Variants in FNDC3B observed in about 807,000 individuals in gnomAD.
FNDC3B encodes fibronectin type III domain containing 3B, also known as fibronectin type III domain-containing protein 3B.
In FNDC3B, 12 loss-of-function variants were observed where a neutral mutation model predicts 151.5. That is an observed-to-expected ratio of 0.08 (90% CI 0.05 to 0.13). FNDC3B has a LOEUF of 0.13. FNDC3B is among the 10% of genes least tolerant of loss of function. The pLI, the probability that FNDC3B is intolerant of heterozygous loss-of-function variation, is 1.00. For synonymous variants in FNDC3B, 528 were observed against 549.0 expected (o/e 0.96, Z 0.54); for missense variants, 1,214 against 1,505.3 (o/e 0.81, Z 3.20).
chr3:172,106,717 C>G (rs1576868962), intron 1 of FNDC3B, among the ~76,000 whole-genome samples: 1 of 152,308 alleles, frequency 6.6e-6, no homozygotes, highest in East Asian at 1.9e-4. Context: ...TGCTTTGGCC[C>G]TTTGCAGGTG....
Position 172,242,565 on chromosome 3 carries a change from G to A in FNDC3B, c.265-4968G>A, listed in dbSNP as rs762214185. On this transcript the variant is annotated intron_variant, in intron 4 of 25. Coordinates refer to ENST00000415807, the MANE Select transcript of FNDC3B (RefSeq NM_022763.4). ...ACCCTTTGAAGCCACAGCCTGAGCTGTACCTTGGCCCCTTTCAGTCATGAC... is the reference window on the plus strand; with the variant it reads ...ACCCTTTGAAGCCACAGCCTGAGCTATACCTTGGCCCCTTTCAGTCATGAC... Among the ~76,000 whole-genome samples the A allele has an allele frequency of 1.1e-3, 174 of 152,192 alleles. 1 individual carries two copies. The highest frequency in any genetic ancestry group is 2.2e-3 in the Non-Finnish European group (150 of 68,032).
intron 3 of FNDC3B, among the ~76,000 whole-genome samples, chr3:172,177,784 C>T (rs1328672663): frequency 6.6e-6 from 1 of 151,824 alleles, no homozygotes. Flanking sequence ...TTTGCTGCAC[C>T]TTAACCCATC....
At chr3:172,181,270 TGTG>T (rs1723875729) in intron 3 of FNDC3B, among the ~76,000 whole-genome samples, 1 of 150,172 alleles carries the variant, frequency 6.7e-6, no homozygotes, top group Admixed American at 6.6e-5. Flanking sequence ...TGTGGTGGCG[TGTG>T]GTCCCAGCTA....
At chr3:172,117,392 C>G (rs1405151194) in intron 2 of FNDC3B, among the ~76,000 whole-genome samples, 1 of 152,090 alleles carries the variant, frequency 6.6e-6, no homozygotes, top group African/African-American at 2.4e-5. Context: ...TATTAACTTA[C>G]CTGTGTTTGT....
intron 16 of FNDC3B, 115 bp downstream of exon 16, chr3:172,337,516 A>T (rs1733047204): frequency 1.4e-6 from 1 of 724,234 alleles, no homozygotes; most frequent in African/African-American, 1.8e-5. Flanking sequence ...TAGAATTATT[A>T]TTACAATAAA....
At chr3:172,364,762 C>T (rs185841734) in intron 23 of FNDC3B, among the ~76,000 whole-genome samples, 7 of 152,288 alleles carry the variant, frequency 4.6e-5, no homozygotes, top group East Asian at 1.9e-4. Flanking sequence ...GTTGTTTCTT[C>T]CCCCCTCAAA....
chr3:172,394,915 G>A (rs1736200290), intron 25 of FNDC3B, among the ~76,000 whole-genome samples: 1 of 152,124 alleles, frequency 6.6e-6, no homozygotes. Flanking sequence ...ATTTATCCCT[G>A]GGACGCAAGG....
intron 6 of FNDC3B, among the ~76,000 whole-genome samples, chr3:172,281,758 A>C (rs1207485222): frequency 1.3e-5 from 2 of 152,200 alleles, no homozygotes; most frequent in African/African-American, 4.8e-5. Context: ...GAAGAAACAA[A>C]AACCAGACAG....
chr3:172,225,529 A>G (rs1346877688), intron 3 of FNDC3B: 1 of 191,232 alleles, frequency 5.2e-6, no homozygotes, highest in Non-Finnish European at 1.1e-5. Context: ...CATCACATTC[A>G]TCTGAAGGAC....
At chr3:172,182,877 C>A (rs1723987734) in intron 3 of FNDC3B, among the ~76,000 whole-genome samples, 1 of 152,186 alleles carries the variant, frequency 6.6e-6, no homozygotes, top group Non-Finnish European at 1.5e-5. Flanking sequence ...AAAAGGAACT[C>A]TGAGTGTAGG....
intron 25 of FNDC3B, among the ~76,000 whole-genome samples, chr3:172,392,810 C>CTTTCTTTTTTTTTTTTTTTTTTTT (rs1491505881): frequency 3.0e-5 from 3 of 99,870 alleles, no homozygotes; most frequent in Non-Finnish European, 3.7e-5. Context: ...TTTTTTTTTT[C>CTTTCTTTTTTTTTTTTTTTTTTTT]TTTTTTTTTT....
chr3:172,074,632 T>A (rs1717922626), intron 1 of FNDC3B, among the ~76,000 whole-genome samples: 2 of 152,204 alleles, frequency 1.3e-5, no homozygotes, highest in Admixed American at 1.3e-4. Flanking sequence ...GTTTGCTATT[T>A]TATAGCATGG....
At chr3:172,311,741 A>G (rs7648206) in intron 11 of FNDC3B, among the ~76,000 whole-genome samples, 9,196 of 150,266 alleles carry the variant, frequency 0.061, 1,000 homozygotes, top group African/African-American at 0.21. Flanking sequence ...AGCCGGGCGT[A>G]GTGGCGGGCG....
At chr3:172,376,090 C>T (rs1438793921) in intron 23 of FNDC3B, among the ~76,000 whole-genome samples, 2 of 152,088 alleles carry the variant, frequency 1.3e-5, no homozygotes, top group East Asian at 3.9e-4. Context: ...CAGCTGTTTC[C>T]ACTATGTTTT....
chr3:172,349,707 G>T lies in FNDC3B; in HGVS notation c.2514+2346G>T, dbSNP rs184827289. On this transcript the variant is annotated intron_variant, in intron 21 of 25. Transcript: ENST00000415807. ...GTCACGCTCTGTCACCCAGGCTGGA[G>T]TGCAGTGGCGCGATCTTGGCTCACT... is the stretch of plus-strand genomic sequence containing the variant. 1.5e-4 allele frequency among the ~76,000 whole-genome samples: 23 copies of T among 152,152 alleles called. No homozygotes were observed. The East Asian group carries it at 4.4e-3, about 29-fold the overall frequency.
intron 3 of FNDC3B, among the ~76,000 whole-genome samples, chr3:172,174,627 C>T (rs1038889241): frequency 6.6e-6 from 1 of 152,114 alleles, no homozygotes. Flanking sequence ...TAGTGCTATT[C>T]AGACTTCAGT....
intron 2 of FNDC3B, chr3:172,127,091 G>A (rs1179269841): frequency 4.4e-6 from 2 of 456,368 alleles, no homozygotes; most frequent in African/African-American, 2.0e-5. Flanking sequence ...TTTATCGAGA[G>A]CATGAAACAT....
chr3:172,319,600 G>A (rs887740710), intron 11 of FNDC3B, among the ~76,000 whole-genome samples: 3 of 152,150 alleles, frequency 2.0e-5, no homozygotes, highest in Admixed American at 6.5e-5. Flanking sequence ...GTGCCAGAGC[G>A]TGCAATAAAA....
intron 3 of FNDC3B, among the ~76,000 whole-genome samples, chr3:172,160,034 G>A (rs35008516): frequency 0.27 from 40,499 of 152,024 alleles, 5,886 homozygotes; most frequent in Admixed American, 0.34. Context: ...AGGCCGGCAG[G>A]GGCTGACCAG....
Sources: gnomAD v4.1 joint callset for allele counts (sites outside exome capture counted in the v4.1 genomes callset) on GRCh38, gnomAD v4.1.1 for gene constraint, MANE v1.5 for transcripts, NCBI Gene and HGNC (gene_info 2026-07-23, HGNC 2026-07-21) for gene names.